The following SORCS2 variants were observed in gnomAD, a reference collection of about 807,000 sequenced individuals.
The protein encoded by SORCS2 is VPS10 domain-containing receptor SorCS2.
A neutral mutation model predicts 141.6 loss-of-function variants in SORCS2; 100 were observed. That is an observed-to-expected ratio of 0.71 (90% CI 0.60 to 0.83). The LOEUF is 0.83. Ranked by LOEUF, SORCS2 falls within the 40% of genes least tolerant of loss-of-function variation. The probability of loss-of-function intolerance (pLI) is 0.00; values close to 1 mark genes in which losing one functional copy is unlikely to be tolerated. For synonymous variants in SORCS2, 789 were observed against 676.9 expected, an observed-to-expected ratio of 1.17 and a Z score of -2.57; for missense variants, 1,646 against 1,560.2, an observed-to-expected ratio of 1.05 and a Z score of -0.93.
Position 7,638,502 on chromosome 4 carries a change from A to T in SORCS2, c.813+10A>T, listed in dbSNP as rs759443282. Reference sequence around the variant, plus strand: ...CACAAAGGAGAGCAAGGTAAGATATATGGGTGCCAGTCGCCTGGTCTGTGG... The same window carrying T: ...CACAAAGGAGAGCAAGGTAAGATATTTGGGTGCCAGTCGCCTGGTCTGTGG... On this transcript the variant is annotated intron_variant, in intron 4 of 26. Coordinates refer to ENST00000507866, the MANE Select transcript of SORCS2 (RefSeq NM_020777.3). 6.2e-7 allele frequency: 1 copy of T among 1,606,308 alleles called. No individual in the cohort carries two copies. Among genetic ancestry groups the T allele is most frequent in the South Asian group, 1.1e-5 (1 of 90,658 alleles).
intron 2 of SORCS2, among the ~76,000 whole-genome samples, chr4:7,426,004 G>A (rs1577540389): frequency 6.6e-6 from 1 of 152,264 alleles, no homozygotes; most frequent in Non-Finnish European, 1.5e-5. Flanking sequence ...CGGAGCACAG[G>A]TCTCAGGAGG....
intron 2 of SORCS2, among the ~76,000 whole-genome samples, chr4:7,491,429 C>T (rs977915580): frequency 6.6e-6 from 1 of 152,370 alleles, no homozygotes; most frequent in Non-Finnish European, 1.5e-5. Context: ...CCCCTCTCTG[C>T]AGGCAGGTGC....
chr4:7,734,423 T>A (rs574951173), intron 25 of SORCS2, 49 bp downstream of exon 25: 3 of 1,327,438 alleles, frequency 2.3e-6, no homozygotes, highest in Non-Finnish European at 3.1e-6. Flanking sequence ...CATGGGGCCG[T>A]AGGAAGCCAG....
chr4:7,543,821 T>C lies in SORCS2; in HGVS notation c.648+12192T>C, dbSNP rs111216174. ...CCATCCATCCATCCATCCATCCATC[T>C]ACCCATCTGTCCATCCATCCACTCA... On this transcript the variant is annotated intron_variant, in intron 3 of 26. Transcript: ENST00000507866. Among the ~76,000 whole-genome samples the C allele has an allele frequency of 0.069, 292 of 4,252 alleles. 86 individuals carry two copies. The East Asian group carries it at 0.81, about 12-fold the overall frequency. 2.8% of individuals were successfully genotyped at this position (4,252 alleles called of 152,430 possible). A position where few individuals can be genotyped will look rare whatever the true frequency, so the allele number is the denominator to read the frequency against.
At position 7,610,741 on chromosome 4, in the gene SORCS2, A is replaced by G. The variant is rs142220864; in HGVS notation, c.649-27587A>G. ...AGGGTCAGGAGCAATTGATCTAACA[A>G]AGGGGCCAACAAGTAAGTAGAGGAT... On this transcript the variant is annotated intron_variant, in intron 3 of 26. Coordinates refer to ENST00000507866, the MANE Select transcript of SORCS2 (RefSeq NM_020777.3). 4.0e-3 allele frequency among the ~76,000 whole-genome samples: 606 copies of G among 152,296 alleles called. 4 individuals carry two copies. Among genetic ancestry groups the G allele is most frequent in the African/African-American group, 0.014 (573 of 41,554 alleles).
intron 1 of SORCS2, among the ~76,000 whole-genome samples, chr4:7,319,911 AC>A (rs1320392953): frequency 6.6e-6 from 1 of 151,960 alleles, no homozygotes; most frequent in African/African-American, 2.4e-5. Flanking sequence ...GATTCCCCCC[AC>A]CCTGCCTCTT....
At chr4:7,230,545 C>T (rs77154562) in intron 1 of SORCS2, among the ~76,000 whole-genome samples, 12 of 128,480 alleles carry the variant, frequency 9.3e-5, no homozygotes, top group Non-Finnish European at 5.2e-5. Flanking sequence ...AGTGTCTGGG[C>T]AGGAGTAGTG....
chr4:7,296,252 C>T (rs1040312596), intron 1 of SORCS2, among the ~76,000 whole-genome samples: 2 of 152,364 alleles, frequency 1.3e-5, no homozygotes, highest in Admixed American at 6.5e-5. Context: ...CCCTCACAGC[C>T]TCCGGGAGCT....
At chr4:7,586,208 G>A (rs760119698) in intron 3 of SORCS2, among the ~76,000 whole-genome samples, 6 of 152,134 alleles carry the variant, frequency 3.9e-5, no homozygotes, top group Admixed American at 6.6e-5. Flanking sequence ...TAATTTGACT[G>A]ATTTGCTTCC....
chr4:7,720,552 T>C (rs963093980), intron 18 of SORCS2, among the ~76,000 whole-genome samples: 1 of 152,174 alleles, frequency 6.6e-6, no homozygotes, highest in Admixed American at 6.5e-5. Context: ...ACACCCATGT[T>C]AAGAAGATGA....
chr4:7,596,567 A>G (rs1717289991), intron 3 of SORCS2, among the ~76,000 whole-genome samples: 1 of 152,206 alleles, frequency 6.6e-6, no homozygotes, highest in African/African-American at 2.4e-5. Flanking sequence ...TTCGTGCTAA[A>G]ACCCATTTCC....
intron 1 of SORCS2, among the ~76,000 whole-genome samples, chr4:7,331,931 G>A (rs926099284): frequency 1.3e-5 from 2 of 152,204 alleles, no homozygotes; most frequent in Non-Finnish European, 2.9e-5. Context: ...ACTGGGGCTG[G>A]AGCCTGGGTC....
At chr4:7,541,257 C>T (rs1577720130) in intron 3 of SORCS2, among the ~76,000 whole-genome samples, 1 of 151,980 alleles carries the variant, frequency 6.6e-6, no homozygotes, top group Non-Finnish European at 1.5e-5. Flanking sequence ...ATTGTGGCAC[C>T]CTTGCACACA....
At chr4:7,504,875 T>C (rs1178059481) in intron 2 of SORCS2, among the ~76,000 whole-genome samples, 1 of 152,186 alleles carries the variant, frequency 6.6e-6, no homozygotes, top group Non-Finnish European at 1.5e-5. Flanking sequence ...AAAAGGTCCA[T>C]GGTGAGCAGA....
intron 3 of SORCS2, among the ~76,000 whole-genome samples, chr4:7,572,381 T>A (rs1236785938): frequency 6.6e-6 from 1 of 152,058 alleles, no homozygotes; most frequent in African/African-American, 2.4e-5. Flanking sequence ...GAGCTCAAGA[T>A]GAAATCATTT....
At chr4:7,501,252 G>A (rs1246933215) in intron 2 of SORCS2, among the ~76,000 whole-genome samples, 1 of 152,168 alleles carries the variant, frequency 6.6e-6, no homozygotes, top group Non-Finnish European at 1.5e-5. Flanking sequence ...GGCCAGTAAA[G>A]CCCAATGCTC....
intron 2 of SORCS2, among the ~76,000 whole-genome samples, chr4:7,479,356 C>T (rs1369720190): frequency 6.6e-6 from 1 of 152,196 alleles, no homozygotes; most frequent in Non-Finnish European, 1.5e-5. Flanking sequence ...CTCCAGCCCT[C>T]CCTCCAGAGG....
intron 2 of SORCS2, among the ~76,000 whole-genome samples, chr4:7,469,456 T>C (rs1560310515): frequency 6.6e-6 from 1 of 152,254 alleles, no homozygotes; most frequent in Non-Finnish European, 1.5e-5. Flanking sequence ...TTCATGTATC[T>C]TCCCTCAGGC....
intron 1 of SORCS2, among the ~76,000 whole-genome samples, chr4:7,347,473 G>A (rs1720707290): frequency 6.6e-6 from 1 of 152,196 alleles, no homozygotes; most frequent in African/African-American, 2.4e-5. Context: ...GCCTCGTGAT[G>A]ACCCAGTGAG....
Sources: allele counts gnomAD v4.1 joint callset (sites outside exome capture counted in the v4.1 genomes callset), GRCh38; gene constraint gnomAD v4.1.1; transcripts MANE v1.5; gene names NCBI Gene and HGNC (gene_info 2026-07-23, HGNC 2026-07-21).